Variants in RUBCN observed in about 807,000 individuals in gnomAD.
The protein encoded by RUBCN is rubicon autophagy regulator, also known as run domain Beclin-1-interacting and cysteine-rich domain-containing protein.
In RUBCN, 74 loss-of-function variants were observed where a neutral mutation model predicts 113.2. The observed-to-expected ratio is 0.65, with a 90% CI of 0.54 to 0.79. The LOEUF is 0.79. Among genes scored for constraint, RUBCN ranks in the 30% least tolerant of loss-of-function variants. The pLI is 0.00. For missense variants in RUBCN, 1,109 were observed against 1,251.7 expected (o/e 0.89, Z 1.72); for synonymous variants, 480 against 490.0 (o/e 0.98, Z 0.27).
At chr3:197,749,028 G>GT (rs1728883907) in intron 1 of RUBCN, among the ~76,000 whole-genome samples, 1 of 152,232 alleles carries the variant, frequency 6.6e-6, no homozygotes, top group Admixed American at 6.5e-5. Flanking sequence ...GTTTTAAGCT[G>GT]TATGAGGGTG....
intron 2 of RUBCN, among the ~76,000 whole-genome samples, chr3:197,717,141 A>G (rs1329984870): frequency 6.7e-6 from 1 of 149,022 alleles, no homozygotes; most frequent in East Asian, 2.0e-4. Flanking sequence ...CAAACAAACA[A>G]AGGGGGCAGA....
intron 2 of RUBCN, among the ~76,000 whole-genome samples, chr3:197,706,864 C>T (rs1465232819): frequency 6.6e-6 from 1 of 152,066 alleles, no homozygotes; most frequent in Non-Finnish European, 1.5e-5. Flanking sequence ...AAGTGAGAAC[C>T]GGAAATGTCA....
At position 197,672,824 on chromosome 3, in the gene RUBCN, C is replaced by G. The variant is rs1719924311; in HGVS notation, c.*2194G>C. 1 of 152,420 alleles carries G rather than the reference C, an allele frequency of 6.6e-6. No individual in the cohort carries two copies. The highest frequency in any genetic ancestry group is 1.5e-5 in the Non-Finnish European group (1 of 68,178). The allele number at this position is 152,420 out of a possible 1,614,324, so 9.4% of individuals were successfully genotyped here. On this transcript the variant is annotated 3_prime_UTR_variant, in exon 20 of 20. Coordinates refer to ENST00000296343, the MANE Select transcript of RUBCN (RefSeq NM_014687.4). Reference sequence around the variant, plus strand: ...TCTCCTGCCTCAGCCTCCCAAGTAGCTGGGATTACAGGCGTGTGCCACCAC... The same window carrying G: ...TCTCCTGCCTCAGCCTCCCAAGTAGGTGGGATTACAGGCGTGTGCCACCAC...
intron 1 of RUBCN, among the ~76,000 whole-genome samples, chr3:197,745,898 G>A (rs1481097468): frequency 6.6e-5 from 10 of 152,102 alleles, no homozygotes; most frequent in Non-Finnish European, 4.4e-5. Context: ...TTAGCTGGGC[G>A]TGGTGCCATG....
In RUBCN at chr3:197,704,432, C is replaced by T. The variant is rs1015556831; in HGVS notation, c.463+110G>A. ...CTGGGTGACAAGAGCGTAAGTCCATCTCAAAGAAAAAAAGAAAAATAGGAG... is the reference window on the plus strand; with the variant it reads ...CTGGGTGACAAGAGCGTAAGTCCATTTCAAAGAAAAAAAGAAAAATAGGAG... On this transcript the variant is annotated intron_variant, in intron 4 of 19. Coordinates refer to ENST00000296343, the MANE Select transcript of RUBCN (RefSeq NM_014687.4). The T allele has an allele frequency of 5.6e-6, 6 of 1,066,398 alleles. No individual in the cohort carries two copies. In the African/African-American group the frequency reaches 9.4e-5, roughly 17 times the overall value. The allele number at this position is 1,066,398 out of a possible 1,614,324, so 66.1% of individuals were successfully genotyped here.
chr3:197,715,152 G>A (rs1580320762), intron 2 of RUBCN, among the ~76,000 whole-genome samples: 2 of 152,056 alleles, frequency 1.3e-5, no homozygotes, highest in East Asian at 3.9e-4. Context: ...GGCTGGGCGT[G>A]GTGGTGCATG....
rs1560394045 is a variant in RUBCN at position 197,674,910 on chromosome 3, A to AG, written c.*107_*108insC. On this transcript the variant is annotated 3_prime_UTR_variant, in exon 20 of 20. Coordinates refer to ENST00000296343, the MANE Select transcript of RUBCN (RefSeq NM_014687.4). ...AAAAAAAAAAAGATGATGATAATTA[A>AG]AAAAAAAAAAAAAAAAAGAAGCCCC... 1.5e-4 allele frequency: 57 copies of AG among 369,136 alleles called. No individual in the cohort carries two copies. Among genetic ancestry groups the AG allele is most frequent in the Middle Eastern group, 1.2e-3 (1 of 850 alleles). The allele number at this position is 369,136 out of a possible 1,614,324, so 22.9% of individuals were successfully genotyped here.
intron 7 of RUBCN, among the ~76,000 whole-genome samples, chr3:197,699,635 A>T (rs1250241226): frequency 6.6e-6 from 1 of 152,144 alleles, no homozygotes; most frequent in Admixed American, 6.5e-5. Context: ...TGATTTGGAG[A>T]TTCTTCTCCT....
chr3:197,718,172 T>C, intron 1 of RUBCN, 42 bp from the exon 2 acceptor site: 1 of 1,611,264 alleles, frequency 6.2e-7, no homozygotes, highest in Non-Finnish European at 8.5e-7. Context: ...TTACCTTTGC[T>C]GTACTTGATC....
At chr3:197,707,864 T>G (rs745617093) in intron 2 of RUBCN, among the ~76,000 whole-genome samples, 110 of 151,830 alleles carry the variant, frequency 7.2e-4, no homozygotes, top group Admixed American at 3.2e-3. Flanking sequence ...CTCGGGAGGC[T>G]GAGGCAGGAG....
intron 2 of RUBCN, among the ~76,000 whole-genome samples, chr3:197,710,335 T>G (rs1724818017): frequency 6.6e-6 from 1 of 151,956 alleles, no homozygotes; most frequent in Non-Finnish European, 1.5e-5. Flanking sequence ...GCGCGGTGGC[T>G]CATGCCTATA....
At chr3:197,703,002 C>G (rs1723851792) in intron 5 of RUBCN, among the ~76,000 whole-genome samples, 1 of 152,092 alleles carries the variant, frequency 6.6e-6, no homozygotes, top group African/African-American at 2.4e-5. Context: ...TTAACAAAAT[C>G]TACCTCCCCA....
At chr3:197,679,845 GACTGTCCTACGCTCTGACAACTGGCTCCA>G (rs1227448547) in intron 16 of RUBCN, among the ~76,000 whole-genome samples, 11 of 149,604 alleles carry the variant, frequency 7.4e-5, no homozygotes, top group Non-Finnish European at 1.3e-4. Context: ...ACTGGCTCCA[GACTGTCCTACGCTCTGACAACTGGCTCCA>G]GACTGTCCTG....
At chr3:197,706,617 G>C (rs1333426746) in intron 2 of RUBCN, among the ~76,000 whole-genome samples, 1 of 152,128 alleles carries the variant, frequency 6.6e-6, no homozygotes, top group Admixed American at 6.5e-5. Context: ...CCAGGAGGCA[G>C]AGGTTGCAGT....
In RUBCN at chr3:197,684,224, G is replaced by T. The variant is rs1257278681; in HGVS notation, c.1787-7C>A. 6.2e-7 allele frequency: 1 copy of T among 1,612,272 alleles called. No individual in the cohort carries two copies. Among genetic ancestry groups the T allele is most frequent in the Non-Finnish European group, 8.5e-7 (1 of 1,178,506 alleles). On this transcript the variant is annotated splice_polypyrimidine_tract_variant and splice_region_variant and intron_variant, in intron 11 of 19. Transcript: ENST00000296343. The stretch of plus-strand genomic sequence containing the variant: ...TTCCTTCTGATGTCAGCATCTACAT[G>T]GAAACCAGAGATAAGGGGAGCGCAA...
intron 18 of RUBCN, 70 bp downstream of exon 18, chr3:197,676,815 C>T: frequency 1.2e-6 from 2 of 1,610,930 alleles, no homozygotes; most frequent in Non-Finnish European, 1.7e-6. Flanking sequence ...GCAAGAACCC[C>T]AGGTCCACCC....
intron 9 of RUBCN, 50 bp from the exon 10 acceptor site, chr3:197,694,635 A>G (rs1303356365): frequency 1.6e-5 from 23 of 1,482,698 alleles, no homozygotes; most frequent in Non-Finnish European, 2.0e-5. Flanking sequence ...GTATTGAATG[A>G]CATACTCATT....
chr3:197,724,475 A>G (rs546114734), intron 1 of RUBCN, among the ~76,000 whole-genome samples: 1 of 152,336 alleles, frequency 6.6e-6, no homozygotes, highest in East Asian at 1.9e-4. Context: ...AGAAATAGAT[A>G]CTGGTCTATC....
At chr3:197,732,131 G>T (rs1432961916) in intron 1 of RUBCN, among the ~76,000 whole-genome samples, 1 of 152,214 alleles carries the variant, frequency 6.6e-6, no homozygotes. Flanking sequence ...CTTACTCCTT[G>T]AATTCTGACT....
Sources: allele counts gnomAD v4.1 joint callset (sites outside exome capture counted in the v4.1 genomes callset), GRCh38; gene constraint gnomAD v4.1.1; transcripts MANE v1.5; gene names NCBI Gene and HGNC (gene_info 2026-07-23, HGNC 2026-07-21).